The following RNF214 variants were observed in gnomAD, a reference collection of about 807,000 sequenced individuals.
The protein encoded by RNF214 is ring finger protein 214.
A neutral mutation model predicts 75.9 loss-of-function variants in RNF214; 25 were observed. The ratio of observed to expected loss-of-function variants is 0.33; its 90% CI spans 0.24 to 0.46. The LOEUF is 0.46. Among genes scored for constraint, RNF214 ranks in the 20% least tolerant of loss-of-function variants. The pLI is 1.00. For missense variants in RNF214, 725 were observed against 857.5 expected (o/e 0.85, Z 1.93); for synonymous variants, 314 against 308.8 (o/e 1.02, Z -0.18).
At chr11:117,279,276 CTT>C (rs1467567423) in intron 6 of RNF214, among the ~76,000 whole-genome samples, 1 of 141,274 alleles carries the variant, frequency 7.1e-6, no homozygotes, top group Non-Finnish European at 1.5e-5. Context: ...AAGATGCAGT[CTT>C]TTTCCTGCTG....
chr11:117,239,233 T>C, intron 3 of RNF214, 122 bp downstream of exon 3: 1 of 972,406 alleles, frequency 1.0e-6, no homozygotes, highest in Non-Finnish European at 1.5e-6. Context: ...TTTTTTTTGC[T>C]AGCAACCATC....
chr11:117,247,127 A>G (rs1260828764), intron 6 of RNF214, among the ~76,000 whole-genome samples, 179 bp downstream of exon 6: 3 of 152,210 alleles, frequency 2.0e-5, no homozygotes, highest in Admixed American at 6.5e-5. Flanking sequence ...CTTAATAGAA[A>G]AAAGTTCAGA....
intron 6 of RNF214, among the ~76,000 whole-genome samples, chr11:117,247,496 T>TA (rs1565332919): frequency 1.3e-5 from 2 of 151,680 alleles, no homozygotes; most frequent in Admixed American, 1.3e-4. Context: ...CCTTGTCTCT[T>TA]AAAAAAAAAT....
intron 6 of RNF214, among the ~76,000 whole-genome samples, chr11:117,272,775 T>G (rs2033939670): frequency 6.6e-6 from 1 of 152,084 alleles, no homozygotes; most frequent in Admixed American, 6.6e-5. Flanking sequence ...ATAAGGAATA[T>G]GACTAGATGC....
At chr11:117,248,524 C>T (rs546354638) in intron 6 of RNF214, among the ~76,000 whole-genome samples, 1 of 152,304 alleles carries the variant, frequency 6.6e-6, no homozygotes, top group Admixed American at 6.5e-5. Context: ...AGTTAGCAAG[C>T]TCATGTGCTG....
chr11:117,238,182 A>G (rs905582251), intron 2 of RNF214, among the ~76,000 whole-genome samples: 2 of 152,192 alleles, frequency 1.3e-5, no homozygotes, highest in African/African-American at 4.8e-5. Flanking sequence ...TGAGGCAGGC[A>G]GATGGATCCC....
chr11:117,284,992 C>T, intron 14 of RNF214, 94 bp from the exon 15 acceptor site: 1 of 888,058 alleles, frequency 1.1e-6, no homozygotes, highest in African/African-American at 1.7e-5. Context: ...AAGAACTTTT[C>T]TGACTTAGGC....
chr11:117,236,770 T>A (rs2032923094), intron 2 of RNF214, among the ~76,000 whole-genome samples: 3 of 152,142 alleles, frequency 2.0e-5, no homozygotes, highest in African/African-American at 7.2e-5. Flanking sequence ...TATGTTGGAG[T>A]CAGAGTTTTG....
At chr11:117,278,793 G>T (rs2034067714) in intron 6 of RNF214, among the ~76,000 whole-genome samples, 1 of 152,150 alleles carries the variant, frequency 6.6e-6, no homozygotes, top group Non-Finnish European at 1.5e-5. Context: ...CTGCATTAAG[G>T]ATGAATATTA....
chr11:117,248,867 G>A lies in RNF214; in HGVS notation c.959+1919G>A, dbSNP rs186734990. Among the ~76,000 whole-genome samples the A allele has an allele frequency of 1.5e-3, 233 of 152,294 alleles. 3 individuals are homozygous for A. Among genetic ancestry groups the A allele is most frequent in the Non-Finnish European group, 4.0e-4 (27 of 68,034 alleles). On this transcript the variant is annotated intron_variant, in intron 6 of 14. Coordinates refer to ENST00000300650, the MANE Select transcript of RNF214 (RefSeq NM_207343.4). ...GATATTAAAGTGCAGAAACTGGGAA[G>A]ATGAGTCTATAATGTTATTCTAAGC...
At chr11:117,246,759 A>T in intron 5 of RNF214, 50 bp from the exon 6 acceptor site, 1 of 1,465,788 alleles carries the variant, frequency 6.8e-7, no homozygotes, top group Non-Finnish European at 9.1e-7. Flanking sequence ...CAAAAGAACT[A>T]ACTTATTTTC....
At chr11:117,279,395 A>G (rs994475450) in intron 6 of RNF214, among the ~76,000 whole-genome samples, 1 of 144,870 alleles carries the variant, frequency 6.9e-6, no homozygotes, top group Non-Finnish European at 1.5e-5. Context: ...GCAGTGGTGC[A>G]ATCTCGGCTC....
intron 14 of RNF214, among the ~76,000 whole-genome samples, chr11:117,284,859 A>T (rs548950208): frequency 1.7e-3 from 263 of 152,162 alleles, no homozygotes; most frequent in African/African-American, 6.0e-3. Flanking sequence ...GAACCCAGGA[A>T]GCAGAGGTTC....
chr11:117,263,842 T>TC (rs2033734647), intron 6 of RNF214: 2 of 251,654 alleles, frequency 7.9e-6, no homozygotes, highest in Admixed American at 1.0e-4. Context: ...GCTTTTTTGG[T>TC]CCCCCTGTGC....
chr11:117,281,691 C>A lies in RNF214; in HGVS notation c.1328C>A (p.Pro443Gln). Residue 443 changes from proline (P) to glutamine (Q), a missense_variant, in exon 10 of 15, where the codon CCA becomes CAA. Physicochemically the swap from Pro to Gln is moderately conservative, Grantham distance 76. Transcript: ENST00000300650. ...QIPTPTLPPP[P>Q]SETDFMLQVF... ...CCTACTCCCACTTTACCTCCACCCCCATCAGAGGTAAGAGAGTGGCTTTGG... is the reference window on the plus strand; with the variant it reads ...CCTACTCCCACTTTACCTCCACCCCAATCAGAGGTAAGAGAGTGGCTTTGG... 1.9e-6 allele frequency: 3 copies of A among 1,611,404 alleles called. No individual in the cohort carries two copies. Among genetic ancestry groups the A allele is most frequent in the Non-Finnish European group, 2.5e-6 (3 of 1,177,546 alleles).
chr11:117,279,294 A>G (rs1055908569), intron 6 of RNF214, among the ~76,000 whole-genome samples: 7 of 149,982 alleles, frequency 4.7e-5, no homozygotes, highest in Non-Finnish European at 8.9e-5. Context: ...TGCTGTAGGT[A>G]ACTTTATTTT....
chr11:117,276,332 G>A (rs1188144928), intron 6 of RNF214, among the ~76,000 whole-genome samples: 5 of 152,112 alleles, frequency 3.3e-5, no homozygotes, highest in Admixed American at 2.0e-4. Context: ...GAACAAGGCC[G>A]GGCACAGTGG....
chr11:117,282,190 T>C lies in RNF214; in HGVS notation c.1632T>C (p.Ala544=). ...GCTTGGGCGGTGTTAAGGCTTCTGC[T>C]GAAACTCCCCGGCCCCAACCAGTAG... ...PPGLGGVKAS[A]ETPRPQPVDK... The change falls in exon 11 of 15, where the codon GCT becomes GCC. Residue 544 remains alanine, a synonymous_variant. Transcript: ENST00000300650. The C allele has an allele frequency of 6.2e-7, 1 of 1,613,788 alleles. No individual in the cohort carries two copies. The highest frequency in any genetic ancestry group is 8.5e-7 in the Non-Finnish European group (1 of 1,179,804).
At chr11:117,272,510 C>T (rs1014418803) in intron 6 of RNF214, among the ~76,000 whole-genome samples, 1 of 150,516 alleles carries the variant, frequency 6.6e-6, no homozygotes, top group Non-Finnish European at 1.5e-5. Context: ...ACCTAGATGA[C>T]GGGTTGATAG....
Sources: allele counts gnomAD v4.1 joint callset (sites outside exome capture counted in the v4.1 genomes callset), GRCh38; gene constraint gnomAD v4.1.1; transcripts MANE v1.5; gene names NCBI Gene and HGNC (gene_info 2026-07-23, HGNC 2026-07-21).